Variants in MTHFD1 observed in about 807,000 individuals in gnomAD.
The protein encoded by MTHFD1 is methylenetetrahydrofolate dehydrogenase, cyclohydrolase and formyltetrahydrofolate synthetase 1, also known as C-1-tetrahydrofolate synthase, cytoplasmic.
MTHFD1 carries 44 observed loss-of-function variants against 110.3 expected under a neutral mutation model. The observed-to-expected ratio is 0.40, with a 90% CI of 0.31 to 0.51. The LOEUF is 0.51. Ranked by LOEUF, MTHFD1 falls within the 20% of genes least tolerant of loss-of-function variation. The pLI is 0.60. For missense variants in MTHFD1, 909 were observed against 1,173.1 expected (o/e 0.77, Z 3.29); for synonymous variants, 402 against 428.8 (o/e 0.94, Z 0.77).
At chr14:64,411,619 G>T (rs1182361642) in intron 3 of MTHFD1, among the ~76,000 whole-genome samples, 1 of 152,218 alleles carries the variant, frequency 6.6e-6, no homozygotes, top group Non-Finnish European at 1.5e-5. Context: ...ATGACAGATG[G>T]CCGGACGCGG....
intron 17 of MTHFD1, among the ~76,000 whole-genome samples, chr14:64,439,638 C>T (rs1454245117): frequency 6.6e-6 from 1 of 152,004 alleles, no homozygotes; most frequent in East Asian, 1.9e-4. Flanking sequence ...TGGTGGCTCA[C>T]GCCTGTAATC....
intron 8 of MTHFD1, among the ~76,000 whole-genome samples, chr14:64,421,504 C>T (rs981413531): frequency 6.6e-6 from 1 of 152,192 alleles, no homozygotes; most frequent in Non-Finnish European, 1.5e-5. Flanking sequence ...ATTGATCACT[C>T]ATTTTCTTGT....
At chr14:64,452,847 AGAAT>A (rs1309327262) in intron 24 of MTHFD1, among the ~76,000 whole-genome samples, 10 of 152,188 alleles carry the variant, frequency 6.6e-5, no homozygotes, top group Non-Finnish European at 2.9e-5. Context: ...CTCCAGTATT[AGAAT>A]AGAACATCTA....
At chr14:64,440,097 T>C (rs2078236280) in intron 17 of MTHFD1, 29 bp from the exon 18 acceptor site, 1 of 1,604,404 alleles carries the variant, frequency 6.2e-7, no homozygotes, top group Admixed American at 1.7e-5. Context: ...CACAAAGTTT[T>C]TGCTAGTACC....
chr14:64,442,062 A>G lies in MTHFD1; in HGVS notation c.1893A>G (p.Pro631=), dbSNP rs2078253582. ...PNLMQTLEGT[P]VFVHAGPFAN... is the part of the protein sequence containing the mutation. The stretch of plus-strand genomic sequence containing the variant: ...TGTCCTGGTTTCCACAGGGCACTCC[A>G]GTGTTTGTCCATGCTGGCCCGTTTG... Residue 631 remains proline (P), a synonymous_variant, in exon 20 of 28, where the codon CCA becomes CCG. Transcript: ENST00000652337. 6 of 1,613,528 alleles carry G rather than the reference A, an allele frequency of 3.7e-6. No individual in the cohort carries two copies. The highest frequency in any genetic ancestry group is 5.1e-6 in the Non-Finnish European group (6 of 1,179,448).
intron 23 of MTHFD1, chr14:64,449,016 G>T: frequency 3.3e-6 from 1 of 306,772 alleles, no homozygotes; most frequent in South Asian, 3.1e-5. Context: ...AGCCAGGATG[G>T]TCTCGATCTC....
chr14:64,445,919 T>A (rs2078286435), intron 22 of MTHFD1, among the ~76,000 whole-genome samples: 1 of 152,190 alleles, frequency 6.6e-6, no homozygotes, highest in South Asian at 2.1e-4. Context: ...TAAATCATAA[T>A]CTCAGTTTTC....
chr14:64,397,152 T>A (rs2077859551), intron 1 of MTHFD1, among the ~76,000 whole-genome samples: 19 of 2,928 alleles, frequency 6.5e-3, no homozygotes, highest in African/African-American at 0.01. Flanking sequence ...TATATATATA[T>A]ATATATATAT....
chr14:64,454,068 T>C (rs940499061), intron 25 of MTHFD1, among the ~76,000 whole-genome samples: 2 of 152,176 alleles, frequency 1.3e-5, no homozygotes, highest in Non-Finnish European at 2.9e-5. Context: ...TGTGTAGAAA[T>C]CCATGAGGAA....
At chr14:64,432,241 A>G (rs2078165990) in intron 15 of MTHFD1, among the ~76,000 whole-genome samples, 1 of 152,214 alleles carries the variant, frequency 6.6e-6, no homozygotes, top group Admixed American at 6.5e-5. Flanking sequence ...TGTCTGTAAA[A>G]TAATACTTGC....
intron 17 of MTHFD1, 75 bp downstream of exon 17, chr14:64,439,247 C>G (rs1407074167): frequency 4.7e-6 from 5 of 1,071,334 alleles, no homozygotes; most frequent in Non-Finnish European, 5.7e-6. Context: ...CCTCCATCCT[C>G]TCTCATACGA....
intron 26 of MTHFD1, among the ~76,000 whole-genome samples, chr14:64,455,743 G>T (rs1037171271): frequency 6.6e-6 from 1 of 152,194 alleles, no homozygotes; most frequent in Non-Finnish European, 1.5e-5. Flanking sequence ...AGTTGAAAAC[G>T]TAGGACATTA....
At chr14:64,441,534 C>T (rs534283499) in intron 19 of MTHFD1, 81 bp downstream of exon 19, 138 of 1,318,642 alleles carry the variant, frequency 1.0e-4, no homozygotes, top group Admixed American at 5.1e-4. Context: ...TTGCAAGGCG[C>T]GGTGGCTCAC....
chr14:64,441,335 T>C, intron 18 of MTHFD1, 50 bp from the exon 19 acceptor site: 1 of 1,563,120 alleles, frequency 6.4e-7, no homozygotes, highest in Non-Finnish European at 8.8e-7. Context: ...TTTCAGAAGG[T>C]TGGGTTTTTT....
intron 27 of MTHFD1, 110 bp from the exon 28 acceptor site, chr14:64,459,649 A>T: frequency 1.1e-6 from 1 of 916,510 alleles, no homozygotes; most frequent in Non-Finnish European, 1.6e-6. Flanking sequence ...AAAGGATGTA[A>T]ATGTTAACAG....
chr14:64,408,285 C>CCTTTTTTTTTTTTTTTTTTTTTTTTT (rs34166790), intron 2 of MTHFD1, among the ~76,000 whole-genome samples: 1 of 121,208 alleles, frequency 8.3e-6, no homozygotes. Context: ...AATCAGCATT[C>CCTTTTTTTTTTTTTTTTTTTTTTTTT]TTTTTTTTTT....
chr14:64,433,430 G>A (rs1234715701), intron 15 of MTHFD1, among the ~76,000 whole-genome samples: 2 of 150,956 alleles, frequency 1.3e-5, no homozygotes, highest in East Asian at 3.9e-4. Flanking sequence ...GTTTGTTTAT[G>A]TTTTTGAGAA....
At chr14:64,401,027 T>A in intron 2 of MTHFD1, 150 bp downstream of exon 2, 1 of 682,646 alleles carries the variant, frequency 1.5e-6, no homozygotes, top group Non-Finnish European at 2.6e-6. Flanking sequence ...CCCCTTTGGC[T>A]CAGCTTCTAA....
intron 1 of MTHFD1, 45 bp from the exon 2 acceptor site, chr14:64,400,748 G>A (rs1189640992): frequency 1.7e-6 from 2 of 1,198,702 alleles, no homozygotes; most frequent in Non-Finnish European, 2.5e-6. Context: ...ACTTATTTGT[G>A]CTTGAAACAT....
Sources: allele counts gnomAD v4.1 joint callset (sites outside exome capture counted in the v4.1 genomes callset), GRCh38; gene constraint gnomAD v4.1.1; transcripts MANE v1.5; gene names NCBI Gene and HGNC (gene_info 2026-07-23, HGNC 2026-07-21).